Variants in GATAD2A observed in about 807,000 individuals in gnomAD.
GATAD2A encodes the protein GATA zinc finger domain containing 2A.
GATAD2A carries 12 observed loss-of-function variants against 68.5 expected under a neutral mutation model. The observed-to-expected ratio is 0.18, with a 90% confidence interval of 0.11 to 0.28. The LOEUF (loss-of-function observed/expected upper bound fraction) is 0.28, where lower values mean the gene tolerates loss of function less well. Ranked by LOEUF, GATAD2A falls within the 10% of genes least tolerant of loss-of-function variation. GATAD2A has a pLI of 1.00. For missense variants in GATAD2A, 755 were observed against 868.5 expected (o/e 0.87, Z 1.64); for synonymous variants, 410 against 375.3 (o/e 1.09, Z -1.07).
intron 1 of GATAD2A, chr19:19,440,259 A>AT (rs1330926054): frequency 8.1e-6 from 2 of 246,626 alleles, no homozygotes; most frequent in Non-Finnish European, 7.8e-6. Context: ...ATTTTTATTT[A>AT]TTTTTTATTT....
chr19:19,503,509 C>T (rs545642687), intron 11 of GATAD2A, among the ~76,000 whole-genome samples: 5 of 152,348 alleles, frequency 3.3e-5, no homozygotes, highest in Admixed American at 6.5e-5. Flanking sequence ...AGACGTTCTG[C>T]TCAGCAGGTT....
intron 9 of GATAD2A, 33 bp from the exon 10 acceptor site, chr19:19,501,936 C>T (rs767535858): frequency 1.3e-6 from 2 of 1,582,066 alleles, no homozygotes; most frequent in South Asian, 1.1e-5. Flanking sequence ...CAGCGGACCG[C>T]ACTGACTTTG....
rs1193061255 is a variant in GATAD2A at position 19,417,316 on chromosome 19, G to A, written c.-7+11297G>A. 2.6e-5 allele frequency among the ~76,000 whole-genome samples: 4 copies of A among 152,304 alleles called. No homozygotes were observed. In the East Asian group the frequency reaches 7.7e-4, roughly 29 times the overall value. ...TGACCAGCTCCTTAGGCTGAGAATA[G>A]CCTCATCTTACTCCAGTGTCTTCCA... On this transcript the variant is annotated intron_variant, in intron 1 of 11. Coordinates refer to ENST00000683918, the MANE Select transcript of GATAD2A (RefSeq NM_001384528.1).
rs58702947 is a variant in GATAD2A at position 19,465,209 on chromosome 19, G to A, written c.-6-131G>A. ...CTGGGGATGCTTTTCTGGGCCCTGC[G>A]TTTGTTGTACATTCTTTTGCCATCC... On this transcript the variant is annotated intron_variant, in intron 1 of 11. Transcript: ENST00000683918. The A allele has an allele frequency of 2.4e-3, 1,726 of 722,902 alleles. 27 individuals are homozygous for A. The African/African-American group carries it at 0.028, about 12-fold the overall frequency. The allele number at this position is 722,902 out of a possible 1,614,324, so 44.8% of individuals were successfully genotyped here.
chr19:19,440,524 C>A, intron 1 of GATAD2A: 1 of 203,120 alleles, frequency 4.9e-6, no homozygotes, highest in South Asian at 6.1e-5. Flanking sequence ...TCCCAAAGTG[C>A]TGGGATAACA....
At chr19:19,442,981 A>G (rs932669459) in intron 1 of GATAD2A, among the ~76,000 whole-genome samples, 9 of 152,102 alleles carry the variant, frequency 5.9e-5, no homozygotes, top group African/African-American at 1.7e-4. Context: ...CTCGCATGGC[A>G]GTGCTGGCCC....
At chr19:19,452,836 C>G (rs1056753289) in intron 1 of GATAD2A, among the ~76,000 whole-genome samples, 1 of 152,154 alleles carries the variant, frequency 6.6e-6, no homozygotes, top group Admixed American at 6.5e-5. Context: ...GTGGGACAGT[C>G]GTGTATGGCA....
chr19:19,457,670 G>T (rs931578404), intron 1 of GATAD2A, among the ~76,000 whole-genome samples: 1 of 151,906 alleles, frequency 6.6e-6, no homozygotes, highest in Non-Finnish European at 1.5e-5. Context: ...GAACCCGGGA[G>T]GCGGAGCTTG....
chr19:19,479,030 G>A (rs1006719278), intron 2 of GATAD2A, among the ~76,000 whole-genome samples: 3 of 152,182 alleles, frequency 2.0e-5, no homozygotes, highest in African/African-American at 7.2e-5. Flanking sequence ...TGAAGAAAAT[G>A]TAACTAGCAT....
At chr19:19,450,479 G>A (rs1434839341) in intron 1 of GATAD2A, among the ~76,000 whole-genome samples, 3 of 152,140 alleles carry the variant, frequency 2.0e-5, no homozygotes, top group African/African-American at 7.2e-5. Flanking sequence ...CTGAGGGGAG[G>A]TACTACTTCA....
chr19:19,449,811 T>C (rs1330419448), intron 1 of GATAD2A, among the ~76,000 whole-genome samples: 1 of 152,154 alleles, frequency 6.6e-6, no homozygotes, highest in Non-Finnish European at 1.5e-5. Flanking sequence ...CTTAATAAAT[T>C]GATTTTAAAA....
intron 2 of GATAD2A, among the ~76,000 whole-genome samples, chr19:19,478,407 C>T (rs2058819442): frequency 6.6e-6 from 1 of 152,100 alleles, no homozygotes; most frequent in African/African-American, 2.4e-5. Context: ...TCGAGACCAG[C>T]CTGAGCAACA....
chr19:19,401,198 GA>G (rs1053814622), upstream of GATAD2A, among the ~76,000 whole-genome samples: 2 of 107,036 alleles, frequency 1.9e-5, no homozygotes, highest in Non-Finnish European at 3.9e-5. Flanking sequence ...GTGATTAAAA[GA>G]AAAAAAACTT....
intron 7 of GATAD2A, 126 bp from the exon 8 acceptor site, chr19:19,498,314 TTTG>T: frequency 1.2e-6 from 1 of 819,754 alleles, no homozygotes. Context: ...TGGGTTCACT[TTTG>T]TTAAGGACGC....
intron 8 of GATAD2A, among the ~76,000 whole-genome samples, chr19:19,500,445 G>C (rs930413757): frequency 6.6e-6 from 1 of 150,718 alleles, no homozygotes; most frequent in African/African-American, 2.5e-5. Flanking sequence ...AGGCCCCTAA[G>C]TGCTGAACAC....
chr19:19,415,282 A>T (rs2051466692), intron 1 of GATAD2A, among the ~76,000 whole-genome samples: 1 of 151,696 alleles, frequency 6.6e-6, no homozygotes, highest in African/African-American at 2.4e-5. Flanking sequence ...CTTCCCGAGT[A>T]GCTGGGATTA....
At chr19:19,472,851 G>A (rs2148127575) in intron 2 of GATAD2A, 1 of 152,390 alleles carries the variant, frequency 6.6e-6, no homozygotes, top group Middle Eastern at 3.4e-3. Context: ...TGGATTGTCA[G>A]TGGTCCAGGA....
chr19:19,455,217 C>T (rs952540193), intron 1 of GATAD2A, among the ~76,000 whole-genome samples: 37 of 151,560 alleles, frequency 2.4e-4, no homozygotes, highest in African/African-American at 8.5e-4. Context: ...GGGCTGGGCA[C>T]GGTGACTCAC....
At position 19,428,243 on chromosome 19, in the gene GATAD2A, A is replaced by G. The variant is rs2053322440; in HGVS notation, c.-7+22224A>G. On this transcript the variant is annotated intron_variant, in intron 1 of 11. Transcript: ENST00000683918. ...AGGCCTCAGTGTCATCTGCACGTAGACATTTGGTTTCTGGGCACTTAAGAT... is the reference window on the plus strand; with the variant it reads ...AGGCCTCAGTGTCATCTGCACGTAGGCATTTGGTTTCTGGGCACTTAAGAT... Among the ~76,000 whole-genome samples the G allele has an allele frequency of 2.6e-5, 4 of 152,326 alleles. No homozygotes were observed. In the South Asian group the frequency reaches 8.3e-4, roughly 32 times the overall value.
Sources: gnomAD v4.1 joint callset for allele counts (sites outside exome capture counted in the v4.1 genomes callset) on GRCh38, gnomAD v4.1.1 for gene constraint, MANE v1.5 for transcripts, NCBI Gene and HGNC (gene_info 2026-07-23, HGNC 2026-07-21) for gene names.